Variants in C21orf58 observed in about 807,000 individuals in gnomAD.
C21orf58 encodes uncharacterized protein C21orf58.
C21orf58 carries 34 observed loss-of-function variants against 35.8 expected under a neutral mutation model. The ratio of observed to expected loss-of-function variants is 0.95; its 90% CI spans 0.72 to 1.26. C21orf58 has a LOEUF of 1.26. Ranked by LOEUF, C21orf58 falls within the 50% of genes most tolerant of loss-of-function variation. The pLI is 0.00. For missense variants in C21orf58, 440 were observed against 414.3 expected (o/e 1.06, Z -0.54); for synonymous variants, 191 against 175.8 (o/e 1.09, Z -0.68).
intron 1 of C21orf58, among the ~76,000 whole-genome samples, chr21:46,320,188 C>T (rs191561134): frequency 8.2e-4 from 124 of 151,906 alleles, no homozygotes; most frequent in Middle Eastern, 3.4e-3. Flanking sequence ...CTGCAACCTC[C>T]GCCTCCCGGG....
In C21orf58 at chr21:46,301,970, G is replaced by A; in HGVS notation, c.*29C>T. 6.7e-7 allele frequency: 1 copy of A among 1,489,358 alleles called. No individual in the cohort carries two copies. Among genetic ancestry groups the A allele is most frequent in the South Asian group, 1.3e-5 (1 of 77,732 alleles). The allele number at this position is 1,489,358 out of a possible 1,614,324, so 92.3% of individuals were successfully genotyped here. A position where few individuals can be genotyped will look rare whatever the true frequency, so the allele number is the denominator to read the frequency against. ...CTGAGGAAGCCTGGGGGTGGAGGGT[G>A]CCCCGGCCAGGGTCTCTGTGACTCA... On this transcript the variant is annotated 3_prime_UTR_variant, in exon 8 of 8. Coordinates refer to ENST00000291691, the MANE Select transcript of C21orf58 (RefSeq NM_058180.5).
chr21:46,305,780 A>T (rs112710354), intron 6 of C21orf58, among the ~76,000 whole-genome samples: 3,822 of 151,986 alleles, frequency 0.025, 80 homozygotes, highest in Non-Finnish European at 0.032. Context: ...TCTACTAAAA[A>T]TACAAAAAAA....
At chr21:46,315,981 A>G (rs2082962510) in intron 3 of C21orf58, among the ~76,000 whole-genome samples, 3 of 152,052 alleles carry the variant, frequency 2.0e-5, no homozygotes, top group Admixed American at 2.0e-4. Context: ...AAGTATCTGC[A>G]CATCCCTCAA....
chr21:46,302,413 A>T (rs2082147080), intron 7 of C21orf58, 72 bp downstream of exon 7: 1 of 1,250,952 alleles, frequency 8.0e-7, no homozygotes, highest in Non-Finnish European at 1.1e-6. Flanking sequence ...ACACAGATGC[A>T]GAAATTTCCA....
At position 46,322,688 on chromosome 21, in the gene C21orf58, G is replaced by A. The variant is rs747025848; in HGVS notation, c.51C>T (p.Leu17=). The part of the protein sequence containing the change: ...PATSLRKPWK[L]DRQKLPSPDS... ...CAGGAGAAGGAAGTTTCTGGCGGTC[G>A]AGCTTCCACGGCTTCCTGAGGGAGG... Residue 17 remains leucine (L), a synonymous_variant, in exon 1 of 8, where the codon CTC becomes CTT. Transcript: ENST00000291691. The A allele has an allele frequency of 1.3e-6, 2 of 1,583,294 alleles. No homozygotes were observed. Among genetic ancestry groups the A allele is most frequent in the Non-Finnish European group, 8.6e-7 (1 of 1,164,204 alleles).
rs753500399 is a variant in C21orf58 at position 46,317,999 on chromosome 21, G to A, written c.309+13C>T. Reference sequence around the variant, plus strand: ...AGTTGTTAAAAACAGGAGCATCCCGGGCTCTGCCTCACCTGTCCCAAGAGC... The same window carrying A: ...AGTTGTTAAAAACAGGAGCATCCCGAGCTCTGCCTCACCTGTCCCAAGAGC... On this transcript the variant is annotated intron_variant, in intron 2 of 7. Coordinates refer to ENST00000291691, the MANE Select transcript of C21orf58 (RefSeq NM_058180.5). 6.2e-7 allele frequency: 1 copy of A among 1,612,788 alleles called. No homozygotes were observed. The highest frequency in any genetic ancestry group is 8.5e-7 in the Non-Finnish European group (1 of 1,179,680).
intron 6 of C21orf58, among the ~76,000 whole-genome samples, chr21:46,304,828 CAGTAGAT>C (rs1306126355): frequency 1.3e-5 from 2 of 152,194 alleles, no homozygotes; most frequent in African/African-American, 4.8e-5. Flanking sequence ...AAGTGTACAT[CAGTAGAT>C]AGATAAATGG....
At chr21:46,318,845 GC>G in intron 1 of C21orf58, 1 of 987,252 alleles carries the variant, frequency 1.0e-6, no homozygotes, top group Non-Finnish European at 1.2e-6. Context: ...AGAGGGTGAC[GC>G]AAAACAGGAG....
rs2083041871 is a variant in C21orf58 at position 46,318,056 on chromosome 21, CTGA to C, written c.262_264del (p.Ser88del). The C allele has an allele frequency of 1.2e-6, 2 of 1,613,508 alleles. No homozygotes were observed. The highest frequency in any genetic ancestry group is 4.5e-5 in the East Asian group (2 of 44,880). On this transcript the variant is annotated inframe_deletion, in exon 2 of 8. Coordinates refer to ENST00000291691, the MANE Select transcript of C21orf58 (RefSeq NM_058180.5). Reference sequence around the variant, plus strand: ...GTCAGTCGGGTCACTTGCTCTGCTGCTGATGAGTCCAGCATGGTGGGAGCTGCA... The same window carrying C: ...GTCAGTCGGGTCACTTGCTCTGCTGCTGAGTCCAGCATGGTGGGAGCTGCA...
intron 6 of C21orf58, among the ~76,000 whole-genome samples, chr21:46,310,043 T>C (rs780590676): frequency 7.9e-5 from 12 of 152,042 alleles, no homozygotes; most frequent in Non-Finnish European, 7.4e-5. Flanking sequence ...TTCAAACTAC[T>C]ACATAGTGAC....
chr21:46,313,793 C>T (rs968167432), intron 5 of C21orf58, among the ~76,000 whole-genome samples: 3 of 152,180 alleles, frequency 2.0e-5, no homozygotes, highest in Non-Finnish European at 2.9e-5. Context: ...GTGCTGCTGC[C>T]AGGGTCCCCT....
In C21orf58 at chr21:46,303,741, ATATATTTTTTTTTT is replaced by A. The variant is rs1356218582; in HGVS notation, c.722-1179_722-1166del. ...TATATATATATATATATATATATATATATATTTTTTTTTTTTTTTTTTTTTTTGGAGACAGAGTC... is the reference window on the plus strand; with the variant it reads ...TATATATATATATATATATATATATATTTTTTTTTTTTTGGAGACAGAGTC... On this transcript the variant is annotated intron_variant, in intron 6 of 7. Transcript: ENST00000291691. Among the ~76,000 whole-genome samples the A allele has an allele frequency of 7.1e-3, 173 of 24,222 alleles. 1 individual carries two copies. Among genetic ancestry groups the A allele is most frequent in the Non-Finnish European group, 0.011 (131 of 12,266 alleles). The allele number at this position is 24,222 out of a possible 152,430, so 15.9% of individuals were successfully genotyped here.
At chr21:46,315,275 G>A (rs1012032982) in intron 4 of C21orf58, 199 bp downstream of exon 4, 16 of 595,362 alleles carry the variant, frequency 2.7e-5, no homozygotes, top group Admixed American at 5.9e-5. Context: ...CTGGAATTGG[G>A]CCCTTACTCA....
intron 5 of C21orf58, 58 bp from the exon 6 acceptor site, chr21:46,311,625 T>C: frequency 2.0e-6 from 2 of 1,010,710 alleles, no homozygotes; most frequent in Non-Finnish European, 3.0e-6. Flanking sequence ...GTGTCTCCAG[T>C]ATCTACCACC....
At chr21:46,318,529 A>T in intron 1 of C21orf58, 2 of 1,277,218 alleles carry the variant, frequency 1.6e-6, no homozygotes, top group Non-Finnish European at 2.0e-6. Context: ...CCAGTCCAGA[A>T]GAACCTGTGT....
intron 7 of C21orf58, 36 bp from the exon 8 acceptor site, chr21:46,302,190 C>T (rs2082135084): frequency 2.1e-6 from 3 of 1,438,626 alleles, no homozygotes; most frequent in East Asian, 2.6e-5. Context: ...GGACGCAGCC[C>T]AGGCTGCTCC....
At chr21:46,315,061 C>A in intron 4 of C21orf58, 181 bp from the exon 5 acceptor site, 1 of 1,490,128 alleles carries the variant, frequency 6.7e-7, no homozygotes. Flanking sequence ...TGAAATTGAC[C>A]CAAGCGTGTC....
rs748810835 is a variant in C21orf58, at chr21:46,317,273, G to GAA, written c.310-6_310-5insTT. 4.3e-6 allele frequency: 7 copies of GAA among 1,610,796 alleles called. No individual in the cohort carries two copies. The Admixed American group carries it at 1.2e-4, about 27-fold the overall frequency. On this transcript the variant is annotated splice_region_variant and splice_polypyrimidine_tract_variant and intron_variant, in intron 2 of 7. Coordinates refer to ENST00000291691, the MANE Select transcript of C21orf58 (RefSeq NM_058180.5). ...CTGCCGTTCTTGCTCCAGCTTCTGT[G>GAA]AGGAAGAGAGACCGTGACAGAGACG...
chr21:46,303,707 AAATATATATAT>A (rs2082236836), intron 6 of C21orf58, among the ~76,000 whole-genome samples: 53 of 41,494 alleles, frequency 1.3e-3, no homozygotes, highest in African/African-American at 2.6e-3. Flanking sequence ...CACACACACA[AAATATATATAT>A]ATATATATAT....
Sources: allele counts gnomAD v4.1 joint callset (sites outside exome capture counted in the v4.1 genomes callset), GRCh38; gene constraint gnomAD v4.1.1; transcripts MANE v1.5; gene names NCBI Gene and HGNC (gene_info 2026-07-23, HGNC 2026-07-21).